ZNF280B: variants seen among roughly 807,000 people sequenced by gnomAD.
ZNF280B encodes the protein suppressor of hairy wing homolog 2.
A neutral mutation model predicts 38.0 loss-of-function variants in ZNF280B; 16 were observed. The ratio of observed to expected loss-of-function variants is 0.42; its 90% confidence interval spans 0.28 to 0.64. The LOEUF (loss-of-function observed/expected upper bound fraction) is 0.64. Ranked by LOEUF, ZNF280B falls within the 30% of genes least tolerant of loss-of-function variation. ZNF280B has a pLI of 0.21. For synonymous variants in ZNF280B, 253 were observed against 230.6 expected (o/e 1.10, Z -0.88); for missense variants, 581 against 639.6 (o/e 0.91, Z 0.99).
chr22:22,499,596 C>T (rs1055737760), intron 2 of ZNF280B, among the ~76,000 whole-genome samples: 1 of 151,958 alleles, frequency 6.6e-6, no homozygotes, highest in Non-Finnish European at 1.5e-5. Flanking sequence ...ACAAAAACTA[C>T]ACCTGCCTGC....
chr22:22,498,147 A>G (rs2061739003), intron 2 of ZNF280B, among the ~76,000 whole-genome samples: 2 of 152,030 alleles, frequency 1.3e-5, no homozygotes, highest in African/African-American at 2.4e-5. Context: ...AATATCAGAA[A>G]TAGATAAATC....
chr22:22,504,821 G>A (rs551932058), intron 2 of ZNF280B, among the ~76,000 whole-genome samples: 1 of 152,058 alleles, frequency 6.6e-6, no homozygotes, highest in African/African-American at 2.4e-5. Flanking sequence ...AGGAGAAAGG[G>A]AAGCATCAAG....
Position 22,487,829 on chromosome 22 carries a change from T to C in ZNF280B, c.1570A>G (p.Thr524Ala), listed in dbSNP as rs149313729. ...SVDVASITVS[T>A]SDSEPSLPRS... ...GGGAGTGATGGTTCAGAGTCAGATGTGCTCACAGTTATGGATGCTACATCC... is the reference window on the plus strand; with the variant it reads ...GGGAGTGATGGTTCAGAGTCAGATGCGCTCACAGTTATGGATGCTACATCC... Residue 524 changes from threonine (T) to alanine (A), a missense_variant, in exon 4 of 4, where the codon ACA becomes GCA. Physicochemically the swap from Thr to Ala is moderately conservative, Grantham distance 58 (BLOSUM62 0). Coordinates refer to ENST00000626650, the MANE Select transcript of ZNF280B (RefSeq NM_080764.4). The C allele has an allele frequency of 2.5e-6, 4 of 1,612,988 alleles. No individual in the cohort carries two copies. Among genetic ancestry groups the C allele is most frequent in the Non-Finnish European group, 3.4e-6 (4 of 1,179,654 alleles).
intron 1 of ZNF280B, among the ~76,000 whole-genome samples, chr22:22,508,401 T>G (rs2061983361): frequency 6.7e-6 from 1 of 150,288 alleles, no homozygotes; most frequent in Non-Finnish European, 1.5e-5. Context: ...AGCCCGGGGG[T>G]GGGGGCGTCT....
chr22:22,498,763 TA>T (rs1184093602), intron 2 of ZNF280B, among the ~76,000 whole-genome samples: 14 of 124,164 alleles, frequency 1.1e-4, no homozygotes, highest in Non-Finnish European at 1.7e-4. Context: ...AGAAATCATA[TA>T]AAAAAAAAGA....
rs1328835311 is a variant in ZNF280B, at chr22:22,485,502, AAATC to A, written c.*2261_*2264del. 1.3e-5 allele frequency: 2 copies of A among 151,962 alleles called. No individual in the cohort carries two copies. Among genetic ancestry groups the A allele is most frequent in the Non-Finnish European group, 2.9e-5 (2 of 68,018 alleles). 9.4% of individuals were successfully genotyped at this position (151,962 alleles called of 1,614,324 possible). A position where few individuals can be genotyped will look rare whatever the true frequency, so the allele number is the denominator to read the frequency against. ...AGACCTAGTATAGTGTTCAAGGTGC[AAATC>A]AATCAAATGAGTGTCCGGCAAATAA... On this transcript the variant is annotated 3_prime_UTR_variant, in exon 4 of 4. Coordinates refer to ENST00000626650, the MANE Select transcript of ZNF280B (RefSeq NM_080764.4).
chr22:22,487,447 TAAAAA>T lies in ZNF280B; in HGVS notation c.*315_*319del, dbSNP rs71199481. ...TAACAGTGAGACCCTGTCTCTAAAG[TAAAAA>T]AAAAAAAAAAAAAAAAAAAAAAAAT... On this transcript the variant is annotated 3_prime_UTR_variant, in exon 4 of 4. Transcript: ENST00000626650. 7.5e-5 allele frequency: 5 copies of T among 66,820 alleles called. No homozygotes were observed. Among genetic ancestry groups the T allele is most frequent in the Non-Finnish European group, 1.3e-4 (4 of 29,882 alleles). 4.1% of individuals were successfully genotyped at this position (66,820 alleles called of 1,614,324 possible).
chr22:22,488,549 A>G lies in ZNF280B; in HGVS notation c.850T>C (p.Leu284=). The G allele has an allele frequency of 6.2e-7, 1 of 1,613,898 alleles. No homozygotes were observed. Among genetic ancestry groups the G allele is most frequent in the South Asian group, 1.1e-5 (1 of 91,058 alleles). Residue 284 remains leucine, a synonymous_variant, in exon 4 of 4, where the codon TTA becomes CTA. Transcript: ENST00000626650. ...FDPKKENPIV[L]LSDFYYGQHK... is the part of the protein sequence containing the mutation. ...TGTCCATAGTAAAAGTCACTAAGTAACACAATGGGATTTTCTTTCTTGGGA... is the reference window on the plus strand; with the variant it reads ...TGTCCATAGTAAAAGTCACTAAGTAGCACAATGGGATTTTCTTTCTTGGGA...
intron 3 of ZNF280B, among the ~76,000 whole-genome samples, chr22:22,493,373 T>TA (rs1201763224): frequency 6.6e-6 from 1 of 152,006 alleles, no homozygotes; most frequent in African/African-American, 2.4e-5. Flanking sequence ...GGAGGGTTTG[T>TA]AGACAGAGTT....
At position 22,488,709 on chromosome 22, in the gene ZNF280B, C is replaced by T; in HGVS notation, c.690G>A (p.Gln230=). 1 of 1,613,838 alleles carries T rather than the reference C, an allele frequency of 6.2e-7. No homozygotes were observed. Among genetic ancestry groups the T allele is most frequent in the Non-Finnish European group, 8.5e-7 (1 of 1,179,966 alleles). The change falls in exon 4 of 4, where the codon CAG becomes CAA. Residue 230 remains glutamine (Q), a synonymous_variant. Coordinates refer to ENST00000626650, the MANE Select transcript of ZNF280B (RefSeq NM_080764.4). ...NNVHTSLSHV[Q]NGAPFPAAFP... is the part of the protein sequence containing the mutation. The stretch of plus-strand genomic sequence containing the variant: ...AAGCTGCTGGAAAAGGTGCTCCATT[C>T]TGAACATGGCTTAATGAGGTATGAA...
Position 22,488,716 on chromosome 22 carries a change from T to C in ZNF280B, c.683A>G (p.His228Arg), listed in dbSNP as rs751787695. The change falls in exon 4 of 4, where the codon CAT becomes CGT. Residue 228 changes from histidine to arginine, a missense_variant. By Grantham distance (29) the His-to-Arg change is conservative. Transcript: ENST00000626650. ...TGGAAAAGGTGCTCCATTCTGAACA[T>C]GGCTTAATGAGGTATGAACATTATT... ...PSNNVHTSLS[H>R]VQNGAPFPAA... 6.2e-7 allele frequency: 1 copy of C among 1,613,884 alleles called. No homozygotes were observed.
chr22:22,489,570 C>A (rs12158140), intron 3 of ZNF280B, 104 bp from the exon 4 acceptor site: 1 of 581,960 alleles, frequency 1.7e-6, no homozygotes, highest in African/African-American at 1.9e-5. Flanking sequence ...CACAAGGACA[C>A]TGAGACTGAA....
intron 2 of ZNF280B, among the ~76,000 whole-genome samples, chr22:22,496,921 A>C (rs1276663939): frequency 8.6e-5 from 13 of 150,544 alleles, no homozygotes; most frequent in Admixed American, 6.0e-4. Context: ...GGGTTCAAGC[A>C]ATTCTCCTGT....
At chr22:22,501,868 G>A (rs2061832469) in intron 2 of ZNF280B, among the ~76,000 whole-genome samples, 2 of 151,824 alleles carry the variant, frequency 1.3e-5, no homozygotes, top group South Asian at 4.2e-4. Flanking sequence ...AAATTAACCG[G>A]GCGTGGTAGA....
chr22:22,489,634 C>A (rs990040100), intron 3 of ZNF280B, among the ~76,000 whole-genome samples, 168 bp from the exon 4 acceptor site: 1 of 151,548 alleles, frequency 6.6e-6, no homozygotes, highest in East Asian at 2.0e-4. Flanking sequence ...TCCTATGAAT[C>A]TAGAATCATA....
At position 22,488,101 on chromosome 22, in the gene ZNF280B, A is replaced by G; in HGVS notation, c.1298T>C (p.Leu433Pro). The G allele has an allele frequency of 1.2e-6, 2 of 1,613,914 alleles. No individual in the cohort carries two copies. The highest frequency in any genetic ancestry group is 1.7e-6 in the Non-Finnish European group (2 of 1,179,980). ...RTCHENTKNL[L>P]CPFCLKIFKT... ...GAAAATTTTGAGACAAAAGGGACAA[A>G]GCAAATTCTTTGTGTTTTCATGGCA... The change falls in exon 4 of 4, where the codon CTT becomes CCT. Residue 433 changes from leucine (L) to proline (P), a missense_variant. Leu to Pro is a moderately conservative substitution (Grantham distance 98). Coordinates refer to ENST00000626650, the MANE Select transcript of ZNF280B (RefSeq NM_080764.4).
Position 22,498,745 on chromosome 22 carries a change from T to C in ZNF280B, c.-186-4565A>G, listed in dbSNP as rs979774148. Among the ~76,000 whole-genome samples the C allele has an allele frequency of 1.0e-4, 14 of 138,038 alleles. No homozygotes were observed. In the East Asian group the frequency reaches 2.2e-3, roughly 21 times the overall value. 90.6% of individuals were successfully genotyped at this position (138,038 alleles called of 152,430 possible). ...GCTAGTTATTACTCTTACACCAAAA[T>C]CAAACCAAGAAATCATATAAAAAAA... On this transcript the variant is annotated intron_variant, in intron 2 of 3. Transcript: ENST00000626650.
At chr22:22,493,464 GA>G (rs1046532162) in intron 3 of ZNF280B, among the ~76,000 whole-genome samples, 12 of 152,014 alleles carry the variant, frequency 7.9e-5, no homozygotes, top group African/African-American at 2.7e-4. Context: ...TATTTCTGAT[GA>G]TATTGCTGTT....
chr22:22,490,635 T>A (rs1015638953), intron 3 of ZNF280B, among the ~76,000 whole-genome samples: 7 of 151,836 alleles, frequency 4.6e-5, no homozygotes, highest in Non-Finnish European at 1.0e-4. Context: ...ACCCAGCTAA[T>A]TTTTGTATTT....
Sources: allele counts gnomAD v4.1 joint callset (sites outside exome capture counted in the v4.1 genomes callset), GRCh38; gene constraint gnomAD v4.1.1; transcripts MANE v1.5; gene names NCBI Gene and HGNC (gene_info 2026-07-23, HGNC 2026-07-21).